The following EFCAB5 variants were observed in gnomAD, a reference collection of about 807,000 sequenced individuals.
EFCAB5 encodes the protein EF-hand calcium-binding domain-containing protein 5.
Under a neutral mutation model 167.9 loss-of-function variants are expected in EFCAB5, and 131 were observed. The ratio of observed to expected loss-of-function variants is 0.78; its 90% CI spans 0.68 to 0.90. The LOEUF (loss-of-function observed/expected upper bound fraction) is 0.90. Ranked by LOEUF, EFCAB5 falls within the 40% of genes least tolerant of loss-of-function variation. The probability of loss-of-function intolerance (pLI) is 0.00; values close to 1 mark genes in which losing one functional copy is unlikely to be tolerated. For synonymous variants in EFCAB5, 574 were observed against 602.8 expected, an observed-to-expected ratio of 0.95 and a Z score of 0.70; for missense variants, 1,663 against 1,745.2, an observed-to-expected ratio of 0.95 and a Z score of 0.84.
chr17:30,065,679 G>C (rs1339450184), intron 14 of EFCAB5: 4 of 151,670 alleles, frequency 2.6e-5, no homozygotes, highest in Non-Finnish European at 5.9e-5. Flanking sequence ...AAGAAAGAAA[G>C]AAAAAAACAT....
intron 1 of EFCAB5, among the ~76,000 whole-genome samples, chr17:29,935,103 A>G (rs1046813707): frequency 2.0e-5 from 3 of 152,238 alleles, no homozygotes; most frequent in Admixed American, 6.5e-5. Flanking sequence ...GGGCATAATT[A>G]TAAGTATAAA....
At chr17:30,019,447 CTTTT>C (rs763717475) in intron 7 of EFCAB5, among the ~76,000 whole-genome samples, 2 of 140,416 alleles carry the variant, frequency 1.4e-5, no homozygotes, top group Non-Finnish European at 3.1e-5. Context: ...CTCCCTCTCT[CTTTT>C]TTTTTTTTTT....
intron 8 of EFCAB5, among the ~76,000 whole-genome samples, chr17:30,046,335 T>C (rs2069928088): frequency 6.6e-6 from 1 of 152,190 alleles, no homozygotes; most frequent in Admixed American, 6.5e-5. Context: ...CATTTGGCCA[T>C]AATTACAATA....
chr17:29,951,529 T>TC (rs34039755), intron 3 of EFCAB5, among the ~76,000 whole-genome samples: 3,280 of 151,516 alleles, frequency 0.022, 53 homozygotes, highest in Non-Finnish European at 0.032. Context: ...TTTTTTATTT[T>TC]TTTTTTTAGT....
rs1239420464 is a variant in EFCAB5, at chr17:29,934,113, C to T, written c.-127+4784C>T. Among the ~76,000 whole-genome samples, 70 of 152,204 alleles carry T rather than the reference C, an allele frequency of 4.6e-4. 1 individual carries two copies. Among genetic ancestry groups the T allele is most frequent in the Non-Finnish European group, 8.8e-5 (6 of 68,006 alleles). ...CCTGAGATTGCTTCTGTAAACATAA[C>T]ATTTTTTATACAGGATTTTATGATT... On this transcript the variant is annotated intron_variant, in intron 1 of 3. Coordinates refer to the EFCAB5 transcript ENST00000448319.
chr17:29,991,438 T>G (rs925337600), intron 4 of EFCAB5, among the ~76,000 whole-genome samples: 1 of 152,256 alleles, frequency 6.6e-6, no homozygotes. Flanking sequence ...TAAACATTGT[T>G]TCTATAGATT....
intron 8 of EFCAB5, among the ~76,000 whole-genome samples, chr17:30,044,362 C>T (rs562270232): frequency 2.0e-5 from 3 of 152,152 alleles, no homozygotes; most frequent in African/African-American, 7.2e-5. Context: ...CAGATCAGTT[C>T]AGGCTGGGAG....
At chr17:29,961,104 C>T (rs1206948736) in intron 3 of EFCAB5, among the ~76,000 whole-genome samples, 1 of 152,186 alleles carries the variant, frequency 6.6e-6, no homozygotes, top group Non-Finnish European at 1.5e-5. Flanking sequence ...TTCTTACCAA[C>T]ACTCGTTATT....
In EFCAB5 at chr17:29,966,568, C is replaced by T. The variant is rs9895765; in HGVS notation, c.191-2223C>T. 4.8e-3 allele frequency among the ~76,000 whole-genome samples: 737 copies of T among 152,200 alleles called. 4 individuals carry two copies. The highest frequency in any genetic ancestry group is 0.017 in the African/African-American group (711 of 41,524). On this transcript the variant is annotated intron_variant, in intron 3 of 22. Transcript: ENST00000394835. The stretch of plus-strand genomic sequence containing the variant: ...GTATATGCTGTCATATACTCATATA[C>T]GTATACATATGGGTATATGGTGTCA...
intron 3 of EFCAB5, among the ~76,000 whole-genome samples, chr17:29,951,430 T>A (rs1271453331): frequency 6.6e-6 from 1 of 152,108 alleles, no homozygotes; most frequent in Non-Finnish European, 1.5e-5. Flanking sequence ...CTCCACCTCC[T>A]GGGATCATGC....
At chr17:29,938,904 C>T (rs746875776), upstream of EFCAB5, among the ~76,000 whole-genome samples, 41 of 152,162 alleles carry the variant, frequency 2.7e-4, no homozygotes, top group East Asian at 3.9e-4. Flanking sequence ...TCTGTTAATG[C>T]TGATATTTTG....
intron 7 of EFCAB5, among the ~76,000 whole-genome samples, chr17:30,000,224 C>A (rs1415349278): frequency 6.6e-6 from 1 of 152,048 alleles, no homozygotes; most frequent in African/African-American, 2.4e-5. Context: ...TCAAGAAAAA[C>A]CAGCATCTTA....
chr17:30,068,094 A>G (rs947236477), intron 14 of EFCAB5, among the ~76,000 whole-genome samples: 1 of 152,218 alleles, frequency 6.6e-6, no homozygotes, highest in African/African-American at 2.4e-5. Flanking sequence ...TCACCAGTTC[A>G]GGAGATCAAG....
At chr17:29,968,345 A>G (rs1191832350) in intron 3 of EFCAB5, 3 of 454,534 alleles carry the variant, frequency 6.6e-6, no homozygotes, top group Admixed American at 4.7e-5. Flanking sequence ...GGGCGTGGGC[A>G]TGTATCCTAG....
intron 4 of EFCAB5, among the ~76,000 whole-genome samples, chr17:29,989,548 G>A (rs773271000): frequency 6.6e-6 from 1 of 152,164 alleles, no homozygotes; most frequent in Non-Finnish European, 1.5e-5. Flanking sequence ...TTAAGTCTAT[G>A]ACTATTAAAG....
chr17:30,034,424 C>T, intron 8 of EFCAB5, 39 bp downstream of exon 8: 1 of 1,547,130 alleles, frequency 6.5e-7, no homozygotes, highest in Non-Finnish European at 8.7e-7. Context: ...CTTGGCCAGA[C>T]ACTGTGGCTC....
At chr17:29,965,044 G>T (rs949274599) in intron 3 of EFCAB5, among the ~76,000 whole-genome samples, 1 of 151,778 alleles carries the variant, frequency 6.6e-6, no homozygotes, top group African/African-American at 2.4e-5. Context: ...TCGGACTACA[G>T]GCGCCTGCCA....
At chr17:29,951,695 T>C (rs1346311659) in intron 3 of EFCAB5, among the ~76,000 whole-genome samples, 2 of 152,014 alleles carry the variant, frequency 1.3e-5, no homozygotes, top group African/African-American at 2.4e-5. Flanking sequence ...AGGAAAACCT[T>C]TTTTTTCAAA....
intron 22 of EFCAB5, among the ~76,000 whole-genome samples, chr17:30,098,403 T>C (rs2071334160): frequency 6.6e-6 from 1 of 150,862 alleles, no homozygotes; most frequent in Non-Finnish European, 1.5e-5. Flanking sequence ...TAGTGGCATG[T>C]GCCTGTAGTT....
Sources: gnomAD v4.1 joint callset for allele counts (sites outside exome capture counted in the v4.1 genomes callset) on GRCh38, gnomAD v4.1.1 for gene constraint, MANE v1.5 for transcripts, NCBI Gene and HGNC (gene_info 2026-07-23, HGNC 2026-07-21) for gene names.